Variants in CST11 observed in about 807,000 individuals in gnomAD.
CST11 encodes the protein cystatin-11.
CST11 carries 13 observed loss-of-function variants against 14.0 expected under a neutral mutation model. The ratio of observed to expected loss-of-function variants is 0.93; its 90% CI spans 0.60 to 1.47. The LOEUF (loss-of-function observed/expected upper bound fraction) is 1.47. Among genes scored for constraint, CST11 ranks in the 40% most tolerant of loss-of-function variants. CST11 has a pLI of 0.00. For synonymous variants in CST11, 64 were observed against 57.8 expected (o/e 1.11, Z -0.48); for missense variants, 181 against 160.0 (o/e 1.13, Z -0.71).
At chr20:23,451,965 C>T (rs764596521) in intron 1 of CST11, 45 bp from the exon 2 acceptor site, 12 of 1,471,216 alleles carry the variant, frequency 8.2e-6, no homozygotes, top group African/African-American at 2.8e-5. Flanking sequence ...TCCCCTTCTC[C>T]CCTGTCTGCG....
chr20:23,451,076 C>T (rs1377036255), intron 2 of CST11, among the ~76,000 whole-genome samples: 5 of 152,160 alleles, frequency 3.3e-5, no homozygotes, highest in South Asian at 2.1e-4. Context: ...CCCATTCATC[C>T]ATCCTTCCAT....
At chr20:23,451,547 G>GC (rs1285548988) in intron 2 of CST11, among the ~76,000 whole-genome samples, 2 of 152,060 alleles carry the variant, frequency 1.3e-5, no homozygotes, top group Admixed American at 1.3e-4. Flanking sequence ...TGCTTCCCTC[G>GC]CCCCAGAGTG....
intron 2 of CST11, 88 bp from the exon 3 acceptor site, chr20:23,450,677 G>T: frequency 1.1e-6 from 1 of 912,152 alleles, no homozygotes; most frequent in Non-Finnish European, 1.7e-6. Context: ...CGAAGATGGA[G>T]AAAAGGCTAC....
At chr20:23,451,357 G>A (rs1011756526) in intron 2 of CST11, among the ~76,000 whole-genome samples, 2 of 152,138 alleles carry the variant, frequency 1.3e-5, no homozygotes, top group African/African-American at 4.8e-5. Context: ...TCACCCACCA[G>A]TCAAATCATT....
chr20:23,451,923 G>C lies in CST11; in HGVS notation c.229-3C>G. On this transcript the variant is annotated splice_region_variant and splice_polypyrimidine_tract_variant and intron_variant, in intron 1 of 2. Coordinates refer to ENST00000377009, the MANE Select transcript of CST11 (RefSeq NM_130794.2). ...TGATACTCCAGGTGGTCAGTGACCT[G>C]TGGGCGCCAGGCGTGGGGGAGGCAC... The C allele has an allele frequency of 1.2e-6, 2 of 1,611,754 alleles. No individual in the cohort carries two copies. The highest frequency in any genetic ancestry group is 1.7e-6 in the Non-Finnish European group (2 of 1,178,034).
chr20:23,452,554 C>T, intron 1 of CST11, 30 bp downstream of exon 1: 1 of 1,437,182 alleles, frequency 7.0e-7, no homozygotes, highest in Non-Finnish European at 9.8e-7. Context: ...CGTATCAGGC[C>T]TGGGGAGAGG....
At chr20:23,450,651 A>G in intron 2 of CST11, 62 bp from the exon 3 acceptor site, 1 of 1,242,970 alleles carries the variant, frequency 8.0e-7, no homozygotes, top group Non-Finnish European at 1.1e-6. Context: ...AAGGAGAAGG[A>G]AGAGGATGTA....
At chr20:23,452,479 G>A (rs1987119738) in intron 1 of CST11, 105 bp downstream of exon 1, 1 of 772,610 alleles carries the variant, frequency 1.3e-6, no homozygotes, top group African/African-American at 1.7e-5. Context: ...CTCACATCAA[G>A]CTAAGCAAGG....
Position 23,452,670 on chromosome 20 carries a change from A to G in CST11, c.142T>C (p.Leu48=). The change falls in exon 1 of 3, where the codon TTG becomes CTG. Residue 48 remains leucine (L), a synonymous_variant. Transcript: ENST00000377009. The part of the protein sequence containing the change: ...MAVENYAKDS[L]QWITDQYNKE... ...TTATACTGGTCGGTGATCCACTGCA[A>G]GCTGTCCTTCGCATAGTTTTCTACT... 6.2e-7 allele frequency: 1 copy of G among 1,614,086 alleles called. No individual in the cohort carries two copies. The highest frequency in any genetic ancestry group is 8.5e-7 in the Non-Finnish European group (1 of 1,179,960).
intron 2 of CST11, 110 bp from the exon 3 acceptor site, chr20:23,450,699 C>T (rs1402659026): frequency 1.6e-6 from 1 of 622,800 alleles, no homozygotes; most frequent in Non-Finnish European, 2.7e-6. Context: ...ACCTCTCCAC[C>T]CCTACAATCC....
intron 2 of CST11, among the ~76,000 whole-genome samples, chr20:23,451,142 A>G (rs982686987): frequency 6.6e-5 from 10 of 151,966 alleles, no homozygotes; most frequent in Non-Finnish European, 1.5e-4. Flanking sequence ...CCATCCACCC[A>G]TCCATCTTTA....
chr20:23,450,690 C>T lies in CST11; in HGVS notation c.334-101G>A, dbSNP rs1023033739. The T allele has an allele frequency of 1.6e-5, 11 of 683,430 alleles. No homozygotes were observed. In the African/African-American group the frequency reaches 2.0e-4, roughly 12 times the overall value. The allele number at this position is 683,430 out of a possible 1,614,324, so 42.3% of individuals were successfully genotyped here. On this transcript the variant is annotated intron_variant, in intron 2 of 2. Coordinates refer to ENST00000377009, the MANE Select transcript of CST11 (RefSeq NM_130794.2). ...CACGAAGATGGAGAAAAGGCTACCA[C>T]CTCTCCACCCCTACAATCCTATTTG...
intron 2 of CST11, 136 bp from the exon 3 acceptor site, chr20:23,450,725 A>G: frequency 1.9e-6 from 1 of 537,386 alleles, no homozygotes; most frequent in Non-Finnish European, 3.3e-6. Context: ...GACCACAAAC[A>G]GAAGGACATT....
chr20:23,452,229 A>C (rs1302495040), intron 1 of CST11, among the ~76,000 whole-genome samples: 2 of 152,168 alleles, frequency 1.3e-5, no homozygotes, highest in Non-Finnish European at 2.9e-5. Context: ...TAAACATCTT[A>C]CGTTTTATTG....
At chr20:23,451,513 G>A (rs1286495809) in intron 2 of CST11, among the ~76,000 whole-genome samples, 5 of 152,146 alleles carry the variant, frequency 3.3e-5, no homozygotes, top group Non-Finnish European at 4.4e-5. Context: ...CCTCCCACAG[G>A]CTGCTTAAAT....
Position 23,451,806 on chromosome 20 carries a change from T to A in CST11, c.333+10A>T. 1 of 1,607,072 alleles carries A rather than the reference T, an allele frequency of 6.2e-7. No individual in the cohort carries two copies. Among genetic ancestry groups the A allele is most frequent in the East Asian group, 2.2e-5 (1 of 44,710 alleles). On this transcript the variant is annotated intron_variant, in intron 2 of 2. Transcript: ENST00000377009. ...ACTTCTGTCTACGTTAAAGTGCTTT[T>A]ACCCAATACCTTGTGAAGCTCCCTT...
Position 23,450,426 on chromosome 20 carries a change from T to C in CST11, c.*80A>G. 1.2e-6 allele frequency: 1 copy of C among 862,674 alleles called. No individual in the cohort carries two copies. The highest frequency in any genetic ancestry group is 1.9e-5 in the South Asian group (1 of 53,358). The allele number at this position is 862,674 out of a possible 1,614,324, so 53.4% of individuals were successfully genotyped here. ...TCTTAAGAGAATATGTTGACAAACA[T>C]TTATTGCCTATATTAAGGATTATTG... On this transcript the variant is annotated 3_prime_UTR_variant, in exon 3 of 3. Coordinates refer to ENST00000377009, the MANE Select transcript of CST11 (RefSeq NM_130794.2).
intron 2 of CST11, among the ~76,000 whole-genome samples, chr20:23,451,474 AG>A (rs1297294005): frequency 6.6e-6 from 1 of 152,144 alleles, no homozygotes; most frequent in Non-Finnish European, 1.5e-5. Flanking sequence ...GTTGACTCTG[AG>A]GTATTCAGTC....
At chr20:23,452,021 A>AGG in intron 1 of CST11, 101 bp from the exon 2 acceptor site, 1 of 794,520 alleles carries the variant, frequency 1.3e-6, no homozygotes. Flanking sequence ...AAGGGCAAGG[A>AGG]GCTGGTCCTA....
Sources: gnomAD v4.1 joint callset for allele counts (sites outside exome capture counted in the v4.1 genomes callset) on GRCh38, gnomAD v4.1.1 for gene constraint, MANE v1.5 for transcripts, NCBI Gene and HGNC (gene_info 2026-07-23, HGNC 2026-07-21) for gene names.